Variants in WHAMM observed in about 807,000 individuals in gnomAD.
The protein encoded by WHAMM is WASP homolog associated with actin, golgi membranes and microtubules.
A neutral mutation model predicts 76.5 loss-of-function variants in WHAMM; 67 were observed. That is an observed-to-expected ratio of 0.88 (90% CI 0.72 to 1.07). The LOEUF is 1.07. Ranked by LOEUF, WHAMM falls within the 50% of genes least tolerant of loss-of-function variation. The pLI is 0.00. For synonymous variants in WHAMM, 419 were observed against 422.1 expected (o/e 0.99, Z 0.09); for missense variants, 1,021 against 1,051.1 (o/e 0.97, Z 0.40).
chr15:82,830,821 G>T lies in WHAMM; in HGVS notation c.1864G>T (p.Val622Phe). ...TGGAAATATCCCTGTCCAGGTTTTTGTTCCAGTTGGTGATCAAACACATTC... is the reference window on the plus strand; with the variant it reads ...TGGAAATATCCCTGTCCAGGTTTTTTTTCCAGTTGGTGATCAAACACATTC... Reference protein sequence around the residue: ...CHGNIPVQVFVPVGDQTHSKS... With the variant: ...CHGNIPVQVFFPVGDQTHSKS... The change falls in exon 9 of 10, where the codon GTT becomes TTT. Residue 622 changes from valine (V) to phenylalanine (F), a missense_variant. Val to Phe is a conservative substitution (Grantham distance 50). This residue lies in a region of WHAMM where 509 missense variants were observed against 492.3 expected (regional missense o/e 1.03). Transcript: ENST00000286760. 1 of 1,604,052 alleles carries T rather than the reference G, an allele frequency of 6.2e-7. No individual in the cohort carries two copies. The highest frequency in any genetic ancestry group is 8.5e-7 in the Non-Finnish European group (1 of 1,174,710).
chr15:82,822,270 G>C (rs1362988211), intron 5 of WHAMM, among the ~76,000 whole-genome samples: 2 of 152,148 alleles, frequency 1.3e-5, no homozygotes, highest in African/African-American at 4.8e-5. Flanking sequence ...TGGGTATCAA[G>C]ATCCTTAAAT....
intron 8 of WHAMM, among the ~76,000 whole-genome samples, chr15:82,828,685 A>G (rs765270304): frequency 5.3e-5 from 8 of 152,220 alleles, no homozygotes; most frequent in Non-Finnish European, 1.2e-4. Flanking sequence ...CAGATTTAAA[A>G]TGACAGAATC....
chr15:82,813,141 A>G lies in WHAMM; in HGVS notation c.648A>G (p.Ala216=). 6.2e-7 allele frequency: 1 copy of G among 1,608,686 alleles called. No individual in the cohort carries two copies. The highest frequency in any genetic ancestry group is 8.5e-7 in the Non-Finnish European group (1 of 1,178,652). The change falls in exon 2 of 10, where the codon GCA becomes GCG. Residue 216 remains alanine, a synonymous_variant. Coordinates refer to ENST00000286760, the MANE Select transcript of WHAMM (RefSeq NM_001080435.3). ...QGHGKANTMV[A]LMNVYQEEDE... Reference sequence around the variant, plus strand: ...ACGGAAAAGCCAACACCATGGTAGCATTAATGAACGTTTACCAAGAGGAAG... The same window carrying G: ...ACGGAAAAGCCAACACCATGGTAGCGTTAATGAACGTTTACCAAGAGGAAG...
At chr15:82,826,658 C>T (rs1198895702) in intron 7 of WHAMM, 93 bp from the exon 8 acceptor site, 1 of 1,536,332 alleles carries the variant, frequency 6.5e-7, no homozygotes, top group South Asian at 1.2e-5. Flanking sequence ...TGTTGGGGTA[C>T]AGCCTCTTTC....
At chr15:82,833,127 C>A (rs776180146) in intron 9 of WHAMM, 102 bp from the exon 10 acceptor site, 21 of 1,274,682 alleles carry the variant, frequency 1.6e-5, no homozygotes, top group Non-Finnish European at 1.8e-5. Context: ...TTGTTTAAAT[C>A]ATGGTGTTAA....
chr15:82,823,411 C>A, intron 6 of WHAMM, 124 bp downstream of exon 6: 1 of 802,202 alleles, frequency 1.2e-6, no homozygotes, highest in Non-Finnish European at 1.7e-6. Flanking sequence ...TGCTTATGTA[C>A]TTATCCATGG....
At chr15:82,810,612 G>A (rs2050612325) in intron 1 of WHAMM, 1 of 985,366 alleles carries the variant, frequency 1.0e-6, no homozygotes, top group South Asian at 4.7e-5. Context: ...CCCTGAAGAT[G>A]CTGGCAGAGC....
At chr15:82,818,491 G>A (rs1198849693) in intron 4 of WHAMM, among the ~76,000 whole-genome samples, 2 of 152,160 alleles carry the variant, frequency 1.3e-5, no homozygotes. Flanking sequence ...TTTTCCTTTG[G>A]TTAAGATGTT....
At position 82,813,258 on chromosome 15, in the gene WHAMM, A is replaced by G. The variant is rs572792424; in HGVS notation, c.765A>G (p.Leu255=). The G allele has an allele frequency of 1.3e-6, 2 of 1,566,760 alleles. No individual in the cohort carries two copies. The highest frequency in any genetic ancestry group is 2.4e-5 in the South Asian group (2 of 82,704). ...GGGCTATGCGAGAAGTTGCAACTTT[A>G]TGTAAGCTTGATATTTTGGTATGTT... is the stretch of plus-strand genomic sequence containing the variant. ...PFRAMREVAT[L]CKLDILKSLD... The change falls in exon 2 of 10, where the codon TTA becomes TTG. Residue 255 remains leucine (L), a synonymous_variant. Coordinates refer to ENST00000286760, the MANE Select transcript of WHAMM (RefSeq NM_001080435.3).
intron 2 of WHAMM, among the ~76,000 whole-genome samples, chr15:82,815,894 G>A (rs1313866610): frequency 2.0e-5 from 3 of 152,190 alleles, no homozygotes; most frequent in Non-Finnish European, 4.4e-5. Flanking sequence ...AGTTCAGGCT[G>A]TTATAACAAA....
chr15:82,817,696 C>T (rs1028100012), intron 3 of WHAMM, among the ~76,000 whole-genome samples: 2 of 152,028 alleles, frequency 1.3e-5, no homozygotes, highest in African/African-American at 4.8e-5. Flanking sequence ...GCAGTTGCCT[C>T]AACTAGGTGA....
intron 6 of WHAMM, among the ~76,000 whole-genome samples, chr15:82,824,749 A>C (rs1444913978): frequency 6.6e-6 from 1 of 152,258 alleles, no homozygotes; most frequent in African/African-American, 2.4e-5. Context: ...TAGAGGCGTG[A>C]GCCACTGTGC....
At chr15:82,833,200 T>C in intron 9 of WHAMM, 29 bp from the exon 10 acceptor site, 2 of 1,596,210 alleles carry the variant, frequency 1.3e-6, no homozygotes, top group Non-Finnish European at 1.7e-6. Flanking sequence ...GTTTTATTGA[T>C]AGTACTAGCT....
In WHAMM at chr15:82,813,250, G is replaced by A; in HGVS notation, c.757G>A (p.Ala253Thr). The change falls in exon 2 of 10, where the codon GCA (alanine) becomes ACA (threonine). Residue 253 changes from alanine to threonine, a missense_variant. Physicochemically the swap from Ala to Thr is moderately conservative, Grantham distance 58 (BLOSUM62 0). This residue lies in a region of WHAMM where 501 missense variants were observed against 524.9 expected (regional missense o/e 0.95). Transcript: ENST00000286760. Reference sequence around the variant, plus strand: ...GCCATTTAGGGCTATGCGAGAAGTTGCAACTTTATGTAAGCTTGATATTTT... The same window carrying A: ...GCCATTTAGGGCTATGCGAGAAGTTACAACTTTATGTAAGCTTGATATTTT... ...LQPFRAMREV[A>T]TLCKLDILKS... 3.8e-6 allele frequency: 6 copies of A among 1,575,056 alleles called. No homozygotes were observed. The highest frequency in any genetic ancestry group is 4.3e-6 in the Non-Finnish European group (5 of 1,164,422).
intron 8 of WHAMM, among the ~76,000 whole-genome samples, chr15:82,827,057 GACATCACAA>G (rs2050948347): frequency 6.6e-6 from 1 of 152,128 alleles, no homozygotes; most frequent in Non-Finnish European, 1.5e-5. Flanking sequence ...TGCTGTTTTT[GACATCACAA>G]CACGCTTGGG....
intron 5 of WHAMM, 125 bp downstream of exon 5, chr15:82,819,613 T>G (rs182796374): frequency 1.8e-4 from 89 of 493,362 alleles, no homozygotes; most frequent in African/African-American, 1.8e-3. Flanking sequence ...CTTCAGTGGT[T>G]TATTATTCAA....
chr15:82,833,620 G>C lies in WHAMM; in HGVS notation c.*84G>C, dbSNP rs1261103514. On this transcript the variant is annotated 3_prime_UTR_variant, in exon 10 of 10. Coordinates refer to ENST00000286760, the MANE Select transcript of WHAMM (RefSeq NM_001080435.3). The stretch of plus-strand genomic sequence containing the variant: ...GACCTATCGAAAAGCATACTAACAG[G>C]GTGCTGATAGATGGGCCACATAACA... 6 of 1,421,962 alleles carry C rather than the reference G, an allele frequency of 4.2e-6. No individual in the cohort carries two copies. Among genetic ancestry groups the C allele is most frequent in the African/African-American group, 2.8e-5 (2 of 70,810 alleles). The allele number at this position is 1,421,962 out of a possible 1,614,324, so 88.1% of individuals were successfully genotyped here.
In WHAMM at chr15:82,820,707, C is replaced by T. The variant is rs773872462; in HGVS notation, c.1270+1219C>T. 8.6e-5 allele frequency among the ~76,000 whole-genome samples: 13 copies of T among 151,844 alleles called. No homozygotes were observed. The East Asian group carries it at 9.7e-4, about 11-fold the overall frequency. ...GTCAGGAGTTCAAGACCAGCTTGGCCGACATGTTGAAACCCTGTCTCTACT... is the reference window on the plus strand; with the variant it reads ...GTCAGGAGTTCAAGACCAGCTTGGCTGACATGTTGAAACCCTGTCTCTACT... On this transcript the variant is annotated intron_variant, in intron 5 of 9. Transcript: ENST00000286760.
intron 6 of WHAMM, among the ~76,000 whole-genome samples, chr15:82,825,634 T>A (rs1353042477): frequency 1.3e-5 from 2 of 151,878 alleles, no homozygotes; most frequent in South Asian, 2.1e-4. Flanking sequence ...TCTCATCTGT[T>A]AAAAGAGGAT....
Sources: gnomAD v4.1 joint callset for allele counts (sites outside exome capture counted in the v4.1 genomes callset) on GRCh38, gnomAD v4.1.1 for gene constraint, gnomAD v4.1.1 regional missense constraint, MANE v1.5 for transcripts, NCBI Gene and HGNC (gene_info 2026-07-23, HGNC 2026-07-21) for gene names.